The following NAV1 variants were observed in gnomAD, a reference collection of about 807,000 sequenced individuals.
NAV1 encodes the protein neuron navigator 1.
In NAV1, 18 loss-of-function variants were observed where a neutral mutation model predicts 175.2. That is an observed-to-expected ratio of 0.10 (90% CI 0.07 to 0.15). The LOEUF is 0.15. NAV1 is among the 10% of genes least tolerant of loss of function. NAV1 has a pLI of 1.00. For synonymous variants in NAV1, 897 were observed against 978.7 expected, an observed-to-expected ratio of 0.92 and a Z score of 1.56; for missense variants, 1,731 against 2,436.6, an observed-to-expected ratio of 0.71 and a Z score of 6.10.
In NAV1 at chr1:201,588,305, A is replaced by G. The variant is rs963317607; in HGVS notation, c.-143-234A>G. Among the ~76,000 whole-genome samples the G allele has an allele frequency of 7.4e-4, 112 of 152,178 alleles. 8 individuals are homozygous for G. Among genetic ancestry groups the G allele is most frequent in the Non-Finnish European group, 1.5e-5 (1 of 68,026 alleles). On this transcript the variant is annotated intron_variant, in intron 1 of 33. Coordinates refer to the NAV1 transcript ENST00000685211. ...CATCTTGCTAAGTGAAAAAAGCCAT[A>G]CACAAAAGCCCACGTATTGTATGAT...
chr1:201,772,596 C>T (rs775549058), intron 3 of NAV1, among the ~76,000 whole-genome samples: 3 of 152,188 alleles, frequency 2.0e-5, no homozygotes, highest in Non-Finnish European at 4.4e-5. Context: ...ATTCCTTCCT[C>T]TGTATTGCTT....
rs1156286099 is a variant in NAV1, at chr1:201,648,533, C to G, written c.-136C>G. On this transcript the variant is annotated 5_prime_UTR_variant, in exon 1 of 30. Coordinates refer to ENST00000367296, the Ensembl canonical transcript of NAV1. Reference sequence around the variant, plus strand: ...TCCCTCGCTCTCTCCCCCTTCTCTCCCCTTCTTCCTCGGTTTCTTCCGTCC... The same window carrying G: ...TCCCTCGCTCTCTCCCCCTTCTCTCGCCTTCTTCCTCGGTTTCTTCCGTCC... 2.4e-6 allele frequency: 3 copies of G among 1,246,626 alleles called. No individual in the cohort carries two copies. The Admixed American group carries it at 1.3e-4, about 53-fold the overall frequency. 77.2% of individuals were successfully genotyped at this position (1,246,626 alleles called of 1,614,324 possible).
rs78459391 is a variant in NAV1 at position 201,560,047 on chromosome 1, A to G, written c.-144+20705A>G. On this transcript the variant is annotated intron_variant, in intron 1 of 33. Coordinates refer to the NAV1 transcript ENST00000685211. ...CCAGGCAGGGTAGGGCGGCCGAGGA[A>G]GTTCAGAGGATGGGAAGAGCAGAAC... Among the ~76,000 whole-genome samples the G allele has an allele frequency of 6.9e-3, 1,049 of 152,238 alleles. 12 individuals carry two copies. The highest frequency in any genetic ancestry group is 0.024 in the African/African-American group (980 of 41,548).
At chr1:201,779,689 G>A (rs1007607048) in intron 3 of NAV1, among the ~76,000 whole-genome samples, 3 of 151,042 alleles carry the variant, frequency 2.0e-5, no homozygotes, top group African/African-American at 7.3e-5. Flanking sequence ...AGTTCACTTA[G>A]TGCATGAAGT....
intron 3 of NAV1, among the ~76,000 whole-genome samples, chr1:201,757,441 T>C (rs1674583808): frequency 6.6e-6 from 1 of 152,128 alleles, no homozygotes; most frequent in Non-Finnish European, 1.5e-5. Flanking sequence ...GCTAATTTTT[T>C]AGTAGCGATG....
At chr1:201,753,901 C>A (rs1674294188) in intron 3 of NAV1, among the ~76,000 whole-genome samples, 1 of 152,056 alleles carries the variant, frequency 6.6e-6, no homozygotes, top group African/African-American at 2.4e-5. Flanking sequence ...CTACAGAAAC[C>A]CAAGAAAATT....
chr1:201,621,612 G>A (rs545540327), upstream of NAV1, among the ~76,000 whole-genome samples: 5 of 152,296 alleles, frequency 3.3e-5, no homozygotes, highest in South Asian at 6.2e-4. Flanking sequence ...GATTACAGGC[G>A]TGAGCCACTG....
chr1:201,682,638 C>T (rs773554836), intron 1 of NAV1, among the ~76,000 whole-genome samples: 2 of 152,018 alleles, frequency 1.3e-5, no homozygotes, highest in Non-Finnish European at 2.9e-5. Context: ...GCAGAACCTA[C>T]GTGCTATGAA....
chr1:201,741,120 C>G (rs1441352197), intron 3 of NAV1, among the ~76,000 whole-genome samples: 1 of 152,114 alleles, frequency 6.6e-6, no homozygotes. Context: ...AAGGGAGCCC[C>G]AAGTACCCTC....
intron 16 of NAV1, 37 bp downstream of exon 20, chr1:201,803,751 C>T: frequency 1.3e-6 from 2 of 1,597,954 alleles, no homozygotes; most frequent in Non-Finnish European, 1.7e-6. Context: ...GTAGGTAGAA[C>T]CGTGGTGGAC....
intron 1 of NAV1, among the ~76,000 whole-genome samples, chr1:201,583,924 G>A (rs185537338): frequency 4.6e-5 from 7 of 152,304 alleles, no homozygotes; most frequent in Admixed American, 3.9e-4. Context: ...ACTTTGCAGC[G>A]TGTCCTTCAG....
At chr1:201,604,117 A>G (rs572077883) in intron 2 of NAV1, among the ~76,000 whole-genome samples, 64 of 152,258 alleles carry the variant, frequency 4.2e-4, no homozygotes, top group African/African-American at 1.5e-3. Flanking sequence ...GTGCAGTGGC[A>G]CGATCACTGC....
At chr1:201,779,598 CA>C (rs10624879) in intron 3 of NAV1, among the ~76,000 whole-genome samples, 187 of 69,040 alleles carry the variant, frequency 2.7e-3, no homozygotes, top group Middle Eastern at 9.3e-3. Context: ...GACTCCGTCT[CA>C]AAAAAAAAAA....
At chr1:201,666,955 G>A (rs557666081) in intron 1 of NAV1, among the ~76,000 whole-genome samples, 65 of 152,204 alleles carry the variant, frequency 4.3e-4, no homozygotes, top group South Asian at 2.5e-3. Context: ...AGGCAAGGAC[G>A]CCATGCTCCC....
intron 3 of NAV1, among the ~76,000 whole-genome samples, chr1:201,735,751 C>G (rs1479963950): frequency 6.6e-6 from 1 of 152,196 alleles, no homozygotes. Flanking sequence ...AACTTCTACA[C>G]AGAGACTGGA....
intron 3 of NAV1, among the ~76,000 whole-genome samples, chr1:201,774,309 A>G (rs1175947914): frequency 6.6e-6 from 1 of 152,210 alleles, no homozygotes; most frequent in Non-Finnish European, 1.5e-5. Context: ...GCCATATTTA[A>G]GCTGCCTTCC....
At chr1:201,760,929 T>G (rs1290487567) in intron 3 of NAV1, among the ~76,000 whole-genome samples, 1 of 152,312 alleles carries the variant, frequency 6.6e-6, no homozygotes, top group Non-Finnish European at 1.5e-5. Flanking sequence ...AATATTCTTC[T>G]CTTTAGGTTT....
intron 22 of NAV1, 85 bp downstream of exon 26, chr1:201,809,622 C>A: frequency 7.6e-7 from 1 of 1,319,692 alleles, no homozygotes; most frequent in Non-Finnish European, 1.1e-6. Flanking sequence ...TCACTCTTGC[C>A]ACCCAGGCTG....
intron 1 of NAV1, among the ~76,000 whole-genome samples, chr1:201,572,621 G>A (rs1309461718): frequency 6.6e-6 from 1 of 152,000 alleles, no homozygotes; most frequent in African/African-American, 2.4e-5. Context: ...ACCCGCCTCA[G>A]CCTCCCAAAG....
Sources: gnomAD v4.1 joint callset for allele counts (sites outside exome capture counted in the v4.1 genomes callset) on GRCh38, gnomAD v4.1.1 for gene constraint, MANE v1.5 for transcripts, NCBI Gene and HGNC (gene_info 2026-07-23, HGNC 2026-07-21) for gene names.